Variants in ZFPM2 observed in about 807,000 individuals in gnomAD.
ZFPM2 encodes zinc finger protein, FOG family member 2.
In ZFPM2, 20 loss-of-function variants were observed where a neutral mutation model predicts 98.6. The observed-to-expected ratio is 0.20, with a 90% CI of 0.14 to 0.29. The LOEUF (loss-of-function observed/expected upper bound fraction) is 0.29. ZFPM2 is among the 10% of genes least tolerant of loss of function. ZFPM2 has a pLI of 1.00. For missense variants in ZFPM2, 1,310 were observed against 1,388.6 expected (o/e 0.94, Z 0.90); for synonymous variants, 518 against 502.7 (o/e 1.03, Z -0.41).
Position 105,593,273 on chromosome 8 carries a change from A to G in ZFPM2, c.420+31792A>G, listed in dbSNP as rs559775338. ...GTTAATTCTAGTAATGGAGAAAAGA[A>G]TTACCAAAATTCTGTCTTCATGTTT... On this transcript the variant is annotated intron_variant, in intron 4 of 7. Transcript: ENST00000407775. Among the ~76,000 whole-genome samples, 5 of 152,230 alleles carry G rather than the reference A, an allele frequency of 3.3e-5. No individual in the cohort carries two copies. The East Asian group carries it at 5.8e-4, about 18-fold the overall frequency.
intron 3 of ZFPM2, among the ~76,000 whole-genome samples, chr8:105,501,386 T>C (rs1311918961): frequency 2.6e-5 from 4 of 152,100 alleles, no homozygotes; most frequent in Non-Finnish European, 5.9e-5. Flanking sequence ...GGTTTCACCA[T>C]GTTGGCCAGG....
rs1554593933 is a variant in ZFPM2, at chr8:105,318,866, G to GGCGGCTGGA, written c.-71_-70insTGGAGCGGC. The GGCGGCTGGA allele has an allele frequency of 3.0e-5, 25 of 820,266 alleles. No homozygotes were observed. Among genetic ancestry groups the GGCGGCTGGA allele is most frequent in the Non-Finnish European group, 7.4e-6 (5 of 675,616 alleles). 50.8% of individuals were successfully genotyped at this position (820,266 alleles called of 1,614,324 possible). A position where few individuals can be genotyped will look rare whatever the true frequency, so the allele number is the denominator to read the frequency against. On this transcript the variant is annotated 5_prime_UTR_variant, in exon 1 of 8. Coordinates refer to ENST00000407775, the MANE Select transcript of ZFPM2 (RefSeq NM_012082.4). The stretch of plus-strand genomic sequence containing the variant: ...GGCCAGCGGCGGCGGCGGCGGCGGC[G>GGCGGCTGGA]GCGGCGGGAGCCGAGGGAGCGGCAG...
At chr8:105,662,049 G>T (rs1002420711) in intron 5 of ZFPM2, among the ~76,000 whole-genome samples, 1 of 152,134 alleles carries the variant, frequency 6.6e-6, no homozygotes, top group East Asian at 1.9e-4. Context: ...AAGGAATGGG[G>T]GCGATAAGGC....
intron 5 of ZFPM2, among the ~76,000 whole-genome samples, chr8:105,707,569 T>C (rs554887629): frequency 6.6e-5 from 10 of 152,294 alleles, no homozygotes; most frequent in African/African-American, 2.2e-4. Context: ...GTAAGACCAA[T>C]CCAATTCAGT....
intron 3 of ZFPM2, among the ~76,000 whole-genome samples, chr8:105,526,256 A>T (rs149683386): frequency 3.3e-5 from 5 of 152,110 alleles, no homozygotes; most frequent in Non-Finnish European, 7.4e-5. Flanking sequence ...ATACAAAATC[A>T]TTCCCTCCAG....
At chr8:105,436,568 A>G (rs1032590447) in intron 2 of ZFPM2, among the ~76,000 whole-genome samples, 2 of 152,034 alleles carry the variant, frequency 1.3e-5, no homozygotes, top group African/African-American at 4.8e-5. Flanking sequence ...CTTAAACATG[A>G]TAAGGATAAA....
chr8:105,542,568 G>A (rs897678078), intron 3 of ZFPM2, among the ~76,000 whole-genome samples: 1 of 152,122 alleles, frequency 6.6e-6, no homozygotes, highest in African/African-American at 2.4e-5. Flanking sequence ...ACAACCAAAT[G>A]TGGACTGAAA....
intron 2 of ZFPM2, among the ~76,000 whole-genome samples, chr8:105,436,299 C>T (rs1812117599): frequency 6.6e-6 from 1 of 152,042 alleles, no homozygotes; most frequent in African/African-American, 2.4e-5. Flanking sequence ...GCAGGCTGGT[C>T]ACCTGAGGTC....
chr8:105,656,135 A>T (rs1242860300), intron 5 of ZFPM2, among the ~76,000 whole-genome samples: 1 of 150,912 alleles, frequency 6.6e-6, no homozygotes, highest in Admixed American at 6.6e-5. Context: ...CAAAAGTCAA[A>T]TTTTTTCATA....
intron 3 of ZFPM2, among the ~76,000 whole-genome samples, chr8:105,462,713 GCACCGT>G (rs1219918591): frequency 6.6e-6 from 1 of 151,028 alleles, no homozygotes; most frequent in Non-Finnish European, 1.5e-5. Flanking sequence ...ATCATCATCA[GCACCGT>G]CATGATCCTT....
intron 3 of ZFPM2, among the ~76,000 whole-genome samples, chr8:105,521,698 C>T (rs1279379675): frequency 6.6e-6 from 1 of 152,120 alleles, no homozygotes; most frequent in Non-Finnish European, 1.5e-5. Flanking sequence ...CTGCCTCAGC[C>T]TCCCGACTAG....
intron 5 of ZFPM2, among the ~76,000 whole-genome samples, chr8:105,643,596 A>G (rs1232205907): frequency 6.6e-6 from 1 of 152,126 alleles, no homozygotes; most frequent in East Asian, 1.9e-4. Context: ...AATAAAACAA[A>G]GGAATTACCA....
chr8:105,343,468 G>C (rs1812465010), intron 1 of ZFPM2, among the ~76,000 whole-genome samples: 1 of 152,074 alleles, frequency 6.6e-6, no homozygotes, highest in Non-Finnish European at 1.5e-5. Flanking sequence ...TTTTTAATGA[G>C]AGCTATATTC....
At chr8:105,370,876 A>G (rs1810609611) in intron 1 of ZFPM2, among the ~76,000 whole-genome samples, 1 of 152,192 alleles carries the variant, frequency 6.6e-6, no homozygotes, top group African/African-American at 2.4e-5. Context: ...TCTAACTCCA[A>G]AGCCAAAGCT....
chr8:105,496,374 C>T (rs1176774244), intron 3 of ZFPM2, among the ~76,000 whole-genome samples: 1 of 151,954 alleles, frequency 6.6e-6, no homozygotes, highest in African/African-American at 2.4e-5. Context: ...CCTCAATCTT[C>T]CCTGTCTTTC....
At chr8:105,426,293 T>C (rs1811909289) in intron 2 of ZFPM2, among the ~76,000 whole-genome samples, 1 of 152,136 alleles carries the variant, frequency 6.6e-6, no homozygotes, top group South Asian at 2.1e-4. Context: ...GAAAAGCCAA[T>C]ATGACTTTGT....
chr8:105,732,754 C>T (rs767273800), intron 5 of ZFPM2, among the ~76,000 whole-genome samples: 5 of 151,662 alleles, frequency 3.3e-5, no homozygotes, highest in African/African-American at 4.8e-5. Flanking sequence ...GAGCAATGGG[C>T]GGTAAAGACA....
chr8:105,322,190 C>T (rs1424226369), intron 1 of ZFPM2, among the ~76,000 whole-genome samples: 3 of 152,102 alleles, frequency 2.0e-5, no homozygotes, highest in Non-Finnish European at 4.4e-5. Context: ...TTAGCCTTAT[C>T]ACCTCCTGCC....
intron 1 of ZFPM2, among the ~76,000 whole-genome samples, chr8:105,418,120 G>C (rs1811714659): frequency 6.6e-6 from 1 of 151,994 alleles, no homozygotes. Flanking sequence ...TGCTCCTTAG[G>C]CCCTGGAAAT....
Sources: gnomAD v4.1 joint callset for allele counts (sites outside exome capture counted in the v4.1 genomes callset) on GRCh38, gnomAD v4.1.1 for gene constraint, MANE v1.5 for transcripts, NCBI Gene and HGNC (gene_info 2026-07-23, HGNC 2026-07-21) for gene names.